Variants in MECOM observed in about 807,000 individuals in gnomAD.
MECOM encodes MDS1 and EVI1 complex locus, also known as histone-lysine N-methyltransferase MECOM.
Under a neutral mutation model 116.3 loss-of-function variants are expected in MECOM, and 13 were observed. The observed-to-expected ratio is 0.11, with a 90% CI of 0.07 to 0.18. The LOEUF is 0.18. Ranked by LOEUF, MECOM falls within the 10% of genes least tolerant of loss-of-function variation. The probability of loss-of-function intolerance (pLI) is 1.00; values close to 1 mark genes in which losing one functional copy is unlikely to be tolerated. For synonymous variants in MECOM, 528 were observed against 535.2 expected, an observed-to-expected ratio of 0.99 and a Z score of 0.19; for missense variants, 1,299 against 1,509.0, an observed-to-expected ratio of 0.86 and a Z score of 2.31.
At chr3:169,101,233 C>T (rs1052910856) in intron 11 of MECOM, among the ~76,000 whole-genome samples, 1 of 152,202 alleles carries the variant, frequency 6.6e-6, no homozygotes, top group African/African-American at 2.4e-5. Context: ...TACTCCTATA[C>T]ATCTCTCTTA....
chr3:169,569,834 A>G (rs1008471109), intron 1 of MECOM, among the ~76,000 whole-genome samples: 216 of 152,356 alleles, frequency 1.4e-3, no homozygotes, highest in African/African-American at 5.1e-3. Context: ...TCTGGGACAC[A>G]GCTAAAGCAG....
chr3:169,563,315 C>T (rs1051073449), intron 1 of MECOM, among the ~76,000 whole-genome samples: 3 of 152,224 alleles, frequency 2.0e-5, no homozygotes, highest in African/African-American at 7.2e-5. Flanking sequence ...CAGGCCAACA[C>T]TACCACCATG....
chr3:169,192,343 A>G (rs755017690), intron 2 of MECOM, among the ~76,000 whole-genome samples: 1 of 152,104 alleles, frequency 6.6e-6, no homozygotes, highest in Non-Finnish European at 1.5e-5. Context: ...TCATTCAGAC[A>G]TAACCACTAA....
At chr3:169,147,251 G>C in intron 2 of MECOM, 1 of 985,562 alleles carries the variant, frequency 1.0e-6, no homozygotes, top group Non-Finnish European at 1.2e-6. Context: ...AAAAGGTGGG[G>C]GGCCTGGGGA....
At chr3:169,146,963 C>A (rs1740118722) in intron 2 of MECOM, 8 of 998,926 alleles carry the variant, frequency 8.0e-6, no homozygotes, top group Non-Finnish European at 9.6e-6. Flanking sequence ...TCCAGGACCA[C>A]GCGTTTCGGA....
intron 1 of MECOM, among the ~76,000 whole-genome samples, chr3:169,627,891 C>T (rs970013538): frequency 1.3e-5 from 2 of 152,200 alleles, no homozygotes; most frequent in Non-Finnish European, 2.9e-5. Context: ...GTGGATAAAG[C>T]TGCGATTTAC....
At chr3:169,529,132 C>G (rs1412421090) in intron 1 of MECOM, among the ~76,000 whole-genome samples, 1 of 152,064 alleles carries the variant, frequency 6.6e-6, no homozygotes, top group Non-Finnish European at 1.5e-5. Context: ...TTCCCTGAAT[C>G]CAGACACCAC....
intron 1 of MECOM, among the ~76,000 whole-genome samples, chr3:169,501,459 A>G (rs751142098): frequency 5.6e-4 from 85 of 152,170 alleles, no homozygotes; most frequent in Admixed American, 1.9e-3. Flanking sequence ...ATCTTTATCA[A>G]TTAAAAACAA....
intron 1 of MECOM, among the ~76,000 whole-genome samples, chr3:169,587,380 C>A (rs1765889143): frequency 6.6e-6 from 1 of 151,658 alleles, no homozygotes; most frequent in African/African-American, 2.4e-5. Flanking sequence ...GGCATGGTTT[C>A]TGTCAAAGGG....
At position 169,381,459 on chromosome 3, in the gene MECOM, C is replaced by T. The variant is rs1261966114; in HGVS notation, c.103G>A (p.Val35Ile). The change falls in exon 2 of 17, where the codon GTA becomes ATA. Residue 35 changes from valine to isoleucine, a missense_variant. Physicochemically the swap from Val to Ile is conservative, Grantham distance 29 (BLOSUM62 3). This residue lies in a region of MECOM where 374 missense variants were observed against 433.4 expected (regional missense o/e 0.86). Coordinates refer to ENST00000651503, the MANE Select transcript of MECOM (RefSeq NM_004991.4). ...ATATTGAGGGAGGGAGTGCTGGCTA[C>T]TCCATCTGCATCTGGCATTTCTTCC... ...PLEEMPDADG[V>I]ASTPSLNIQE... is the part of the protein sequence containing the mutation. 1 of 1,613,574 alleles carries T rather than the reference C, an allele frequency of 6.2e-7. No homozygotes were observed. Among genetic ancestry groups the T allele is most frequent in the Middle Eastern group, 1.7e-4 (1 of 6,056 alleles).
intron 1 of MECOM, among the ~76,000 whole-genome samples, chr3:169,506,429 T>C (rs1162915374): frequency 6.6e-6 from 1 of 151,522 alleles, no homozygotes; most frequent in East Asian, 1.9e-4. Flanking sequence ...CTTGACTTCA[T>C]CATTCTTGGG....
chr3:169,655,282 C>A (rs943283577), intron 1 of MECOM, among the ~76,000 whole-genome samples: 1 of 152,134 alleles, frequency 6.6e-6, no homozygotes, highest in East Asian at 1.9e-4. Flanking sequence ...TAGGAGAGAG[C>A]TTAAGGCTTA....
intron 2 of MECOM, among the ~76,000 whole-genome samples, chr3:169,357,585 T>C (rs897394170): frequency 6.6e-6 from 1 of 151,848 alleles, no homozygotes; most frequent in Non-Finnish European, 1.5e-5. Context: ...ATTTCAGGTA[T>C]AGACAAATGC....
intron 1 of MECOM, among the ~76,000 whole-genome samples, chr3:169,573,661 G>A (rs199692190): frequency 5.3e-5 from 8 of 152,112 alleles, no homozygotes; most frequent in African/African-American, 1.7e-4. Context: ...GAAATCAAGC[G>A]GCATAATTTG....
chr3:169,385,103 CAAAAA>C (rs751654546), intron 1 of MECOM, among the ~76,000 whole-genome samples: 1 of 81,324 alleles, frequency 1.2e-5, no homozygotes, highest in Admixed American at 1.2e-4. Context: ...GACCCTGTCT[CAAAAA>C]AAAAAAAAAA....
At chr3:169,320,436 TAA>T (rs1720647570) in intron 2 of MECOM, among the ~76,000 whole-genome samples, 1 of 152,104 alleles carries the variant, frequency 6.6e-6, no homozygotes, top group African/African-American at 2.4e-5. Context: ...GGAGGAAGGA[TAA>T]AGAGGGATCT....
At chr3:169,114,325 T>C (rs1029365913) in intron 8 of MECOM, among the ~76,000 whole-genome samples, 41 of 152,174 alleles carry the variant, frequency 2.7e-4, no homozygotes, top group African/African-American at 9.9e-4. Flanking sequence ...TACTTTATCA[T>C]ATTCAAACGA....
At chr3:169,124,515 T>G (rs1332514895) in intron 5 of MECOM, among the ~76,000 whole-genome samples, 3 of 150,828 alleles carry the variant, frequency 2.0e-5, no homozygotes, top group African/African-American at 7.3e-5. Context: ...CAGTAAACTT[T>G]ATAACTGAGG....
intron 1 of MECOM, among the ~76,000 whole-genome samples, chr3:169,472,675 G>GAA (rs1749727230): frequency 1.7e-4 from 12 of 71,234 alleles, no homozygotes; most frequent in African/African-American, 5.5e-4. Flanking sequence ...AAGGAAAGGA[G>GAA]AGGAGAGGAA....
Sources: allele counts gnomAD v4.1 joint callset (sites outside exome capture counted in the v4.1 genomes callset), GRCh38; gene constraint gnomAD v4.1.1; regional missense constraint gnomAD v4.1.1; transcripts MANE v1.5; gene names NCBI Gene and HGNC (gene_info 2026-07-23, HGNC 2026-07-21).